Variants in ATP9A observed in about 807,000 individuals in gnomAD.
ATP9A encodes probable phospholipid-transporting ATPase IIA.
Under a neutral mutation model 144.1 loss-of-function variants are expected in ATP9A, and 52 were observed. The observed-to-expected ratio is 0.36, with a 90% confidence interval of 0.29 to 0.45. The LOEUF is 0.45. ATP9A is among the 20% of genes least tolerant of loss of function. ATP9A has a pLI of 1.00. For synonymous variants in ATP9A, 582 were observed against 557.4 expected (o/e 1.04, Z -0.62); for missense variants, 947 against 1,392.7 (o/e 0.68, Z 5.09).
intron 27 of ATP9A, among the ~76,000 whole-genome samples, chr20:51,603,804 G>A (rs575725418): frequency 1.3e-5 from 2 of 151,242 alleles, no homozygotes; most frequent in Non-Finnish European, 3.0e-5. Flanking sequence ...ATTTAGAAAT[G>A]GAGTCTTACT....
At chr20:51,756,212 C>T (rs2077855217) in intron 1 of ATP9A, among the ~76,000 whole-genome samples, 1 of 151,924 alleles carries the variant, frequency 6.6e-6, no homozygotes, top group South Asian at 2.1e-4. Context: ...AGGCCTCTCT[C>T]CTTGGCTTGC....
chr20:51,692,647 CA>C (rs1450128721), intron 7 of ATP9A, among the ~76,000 whole-genome samples: 6 of 152,048 alleles, frequency 3.9e-5, no homozygotes, highest in Admixed American at 3.9e-4. Context: ...ACTAAAAATA[CA>C]AATATTAGCC....
intron 13 of ATP9A, among the ~76,000 whole-genome samples, chr20:51,664,890 T>TTC (rs1373916958): frequency 6.6e-6 from 1 of 150,716 alleles, no homozygotes; most frequent in East Asian, 2.0e-4. Context: ...CGGCTAATTT[T>TTC]TTTTTTTTTT....
At chr20:51,720,008 C>T (rs2077681954) in intron 3 of ATP9A, among the ~76,000 whole-genome samples, 1 of 152,168 alleles carries the variant, frequency 6.6e-6, no homozygotes, top group African/African-American at 2.4e-5. Context: ...CAGATCATGC[C>T]ACTGCACTCC....
intron 1 of ATP9A, chr20:51,734,596 G>A (rs2077755630): frequency 6.6e-6 from 1 of 152,058 alleles, no homozygotes; most frequent in Non-Finnish European, 1.5e-5. Context: ...ATGGCATCAA[G>A]AAATCCCAGT....
intron 4 of ATP9A, among the ~76,000 whole-genome samples, chr20:51,707,485 C>T (rs1484214061): frequency 6.6e-6 from 1 of 152,136 alleles, no homozygotes; most frequent in Non-Finnish European, 1.5e-5. Flanking sequence ...TGAGCTCTTC[C>T]CATGCAAGAG....
In ATP9A at chr20:51,698,825, A is replaced by G. The variant is rs565466726; in HGVS notation, c.437-1343T>C. ...GCTAGAACTCCTTCAGCAAGACGTA[A>G]AGCATCAGGAAAGCAGGGAACAGCG... On this transcript the variant is annotated intron_variant, in intron 4 of 27. Transcript: ENST00000338821. Among the ~76,000 whole-genome samples the G allele has an allele frequency of 4.1e-4, 63 of 152,308 alleles. 1 individual carries two copies. Among genetic ancestry groups the G allele is most frequent in the Admixed American group, 3.7e-3 (57 of 15,304 alleles).
chr20:51,715,253 T>C (rs955694308), intron 3 of ATP9A, among the ~76,000 whole-genome samples: 2 of 152,164 alleles, frequency 1.3e-5, no homozygotes, highest in African/African-American at 4.8e-5. Flanking sequence ...CCATACATCT[T>C]TACAATCAAA....
At chr20:51,646,761 A>T (rs2077343844) in intron 14 of ATP9A, among the ~76,000 whole-genome samples, 1 of 150,986 alleles carries the variant, frequency 6.6e-6, no homozygotes, top group Non-Finnish European at 1.5e-5. Context: ...TTTTTTTTTA[A>T]CATAGCATGA....
chr20:51,611,456 A>G lies in ATP9A; in HGVS notation c.2572-1291T>C, dbSNP rs1160726254. On this transcript the variant is annotated intron_variant, in intron 23 of 27. Coordinates refer to ENST00000338821, the MANE Select transcript of ATP9A (RefSeq NM_006045.3). This position sits in a 1 kb window ranked among gnomAD's most constrained non-coding sequence, Gnocchi z 4.2. ...CTCTAAAAGGGTCATCCTAACCACAAAGTCTTCATCTCGACAAGAGCACTT... is the reference window on the plus strand; with the variant it reads ...CTCTAAAAGGGTCATCCTAACCACAGAGTCTTCATCTCGACAAGAGCACTT... Among the ~76,000 whole-genome samples, 1 of 152,212 alleles carries G rather than the reference A, an allele frequency of 6.6e-6. No individual in the cohort carries two copies. Among genetic ancestry groups the G allele is most frequent in the Non-Finnish European group, 1.5e-5 (1 of 68,036 alleles).
At chr20:51,767,932 T>TCAGATATTAATTACGGA in intron 1 of ATP9A, among the ~76,000 whole-genome samples, 1 of 152,150 alleles carries the variant, frequency 6.6e-6, no homozygotes, top group Non-Finnish European at 1.5e-5. Flanking sequence ...AATTGTTACC[T>TCAGATATTAATTACGGA]CAGATATTAA....
chr20:51,721,516 TG>T, intron 3 of ATP9A, among the ~76,000 whole-genome samples: 1 of 152,052 alleles, frequency 6.6e-6, no homozygotes. Flanking sequence ...AAACAATTCT[TG>T]GGCCAGGCGC....
chr20:51,635,826 G>GGAAGGAAGGAAGGA lies in ATP9A; in HGVS notation c.1668+3516_1668+3517insTCCTTCCTTCCTTC, dbSNP rs1193048703. 4.2e-3 allele frequency among the ~76,000 whole-genome samples: 195 copies of GGAAGGAAGGAAGGA among 46,866 alleles called. 1 individual carries two copies. The highest frequency in any genetic ancestry group is 5.9e-3 in the Admixed American group (28 of 4,712). The allele number at this position is 46,866 out of a possible 152,430, so 30.7% of individuals were successfully genotyped here. ...GGAGGAAGGAAGGAAGGAAGGAAGG[G>GGAAGGAAGGAAGGA]AGGGAGGGAGGGAGGGAAAAAGGAA... On this transcript the variant is annotated intron_variant, in intron 15 of 27. Coordinates refer to ENST00000338821, the MANE Select transcript of ATP9A (RefSeq NM_006045.3).
intron 14 of ATP9A, among the ~76,000 whole-genome samples, chr20:51,653,998 C>T (rs1010426066): frequency 6.6e-6 from 1 of 151,604 alleles, no homozygotes; most frequent in Admixed American, 6.6e-5. Context: ...CTAAACCTGC[C>T]AAGCCACAGA....
intron 14 of ATP9A, among the ~76,000 whole-genome samples, chr20:51,654,146 G>T (rs1336885875): frequency 1.3e-5 from 2 of 152,052 alleles, no homozygotes; most frequent in Non-Finnish European, 2.9e-5. Context: ...GTAGCCAGGG[G>T]TGTACAACAT....
intron 4 of ATP9A, among the ~76,000 whole-genome samples, chr20:51,702,003 A>G (rs193124085): frequency 6.6e-6 from 1 of 151,826 alleles, no homozygotes; most frequent in African/African-American, 2.4e-5. Flanking sequence ...TCTATTTTTT[A>G]AAAAAGTTAA....
intron 2 of ATP9A, among the ~76,000 whole-genome samples, chr20:51,727,569 A>G (rs1205710): frequency 0.72 from 109,812 of 151,806 alleles, 40,116 homozygotes; most frequent in East Asian, 1. Flanking sequence ...CTGGGTGACA[A>G]TGAGTCCCCC....
chr20:51,678,199 A>G (rs1238927838), intron 9 of ATP9A, among the ~76,000 whole-genome samples: 1 of 152,036 alleles, frequency 6.6e-6, no homozygotes. Flanking sequence ...TCTGAGCCAA[A>G]ACTTGGAACA....
intron 23 of ATP9A, among the ~76,000 whole-genome samples, chr20:51,610,825 T>C (rs574347170): frequency 9.8e-5 from 15 of 152,320 alleles, no homozygotes; most frequent in African/African-American, 3.6e-4. Flanking sequence ...ATTACATGTT[T>C]CGGTATTTGG....
Sources: gnomAD v4.1 joint callset for allele counts (sites outside exome capture counted in the v4.1 genomes callset) on GRCh38, gnomAD v4.1.1 for gene constraint, Gnocchi (gnomAD v3.1) non-coding constraint, MANE v1.5 for transcripts, NCBI Gene and HGNC (gene_info 2026-07-23, HGNC 2026-07-21) for gene names.